The following FAM227A variants were observed in gnomAD, a reference collection of about 807,000 sequenced individuals.
The protein encoded by FAM227A is protein FAM227A.
FAM227A carries 80 observed loss-of-function variants against 74.7 expected under a neutral mutation model. The observed-to-expected ratio is 1.07, with a 90% confidence interval of 0.89 to 1.29. FAM227A has a LOEUF of 1.29. FAM227A is among the 50% of genes most tolerant of loss of function. The pLI, the probability that FAM227A is intolerant of heterozygous loss-of-function variation, is 0.00. For missense variants in FAM227A, 654 were observed against 683.4 expected (o/e 0.96, Z 0.48); for synonymous variants, 237 against 241.8 (o/e 0.98, Z 0.19).
In FAM227A at chr22:38,597,186, C is replaced by T. The variant is rs2091064263; in HGVS notation, c.1532+18G>A. On this transcript the variant is annotated intron_variant, in intron 15 of 16. Transcript: ENST00000535113. ...GATAAGTGCGGAACAACGGCATTCC[C>T]CAAAGCCCCTTCCATACCTGGAGAA... 6.4e-7 allele frequency: 1 copy of T among 1,551,480 alleles called. No individual in the cohort carries two copies. Among genetic ancestry groups the T allele is most frequent in the African/African-American group, 1.4e-5 (1 of 73,016 alleles).
intron 15 of FAM227A, among the ~76,000 whole-genome samples, chr22:38,595,809 T>A (rs1003965736): frequency 1.3e-5 from 2 of 152,204 alleles, no homozygotes; most frequent in Non-Finnish European, 2.9e-5. Context: ...ATGATTTAAC[T>A]TGAATCTAAT....
intron 11 of FAM227A, among the ~76,000 whole-genome samples, chr22:38,614,319 T>C (rs1389423935): frequency 6.6e-6 from 1 of 152,060 alleles, no homozygotes; most frequent in Non-Finnish European, 1.5e-5. Flanking sequence ...TAAAAATATT[T>C]ATTAAATGAA....
At chr22:38,604,594 G>A (rs2091244426) in intron 13 of FAM227A, among the ~76,000 whole-genome samples, 1 of 152,186 alleles carries the variant, frequency 6.6e-6, no homozygotes, top group Non-Finnish European at 1.5e-5. Context: ...GAGAGCTCAG[G>A]CTCAGAGCCA....
At chr22:38,590,821 T>G (rs1602843456) in intron 16 of FAM227A, among the ~76,000 whole-genome samples, 1 of 152,144 alleles carries the variant, frequency 6.6e-6, no homozygotes, top group South Asian at 2.1e-4. Flanking sequence ...AGTCTCATTC[T>G]GTCTCCAGGA....
At chr22:38,594,343 C>CT (rs1437065625) in intron 15 of FAM227A, among the ~76,000 whole-genome samples, 2 of 152,180 alleles carry the variant, frequency 1.3e-5, no homozygotes, top group Non-Finnish European at 2.9e-5. Context: ...TCCTCCCTGA[C>CT]TTATGTGGTT....
At chr22:38,632,973 A>G (rs1394423666) in intron 6 of FAM227A, among the ~76,000 whole-genome samples, 2 of 152,142 alleles carry the variant, frequency 1.3e-5, no homozygotes, top group African/African-American at 4.8e-5. Context: ...CTCCTCCAAG[A>G]AGTCCCAGGC....
chr22:38,617,590 C>T (rs1002405578), intron 11 of FAM227A, among the ~76,000 whole-genome samples: 3 of 152,298 alleles, frequency 2.0e-5, no homozygotes, highest in East Asian at 1.9e-4. Context: ...CCTCCACACC[C>T]GGCCGGAGGA....
Position 38,583,096 on chromosome 22 carries a change from G to A in FAM227A, c.*3029C>T. On this transcript the variant is annotated 3_prime_UTR_variant, in exon 17 of 17. Transcript: ENST00000535113. ...GGGGTAGTAAAGGGAAGGTGAGAGA[G>A]TGTTCTGCTTATCTGCCCCACATGG... 1 of 850,770 alleles carries A rather than the reference G, an allele frequency of 1.2e-6. No homozygotes were observed. The highest frequency in any genetic ancestry group is 1.7e-5 in the African/African-American group (1 of 59,046). 52.7% of individuals were successfully genotyped at this position (850,770 alleles called of 1,614,324 possible).
chr22:38,579,736 AT>A lies in FAM227A; in HGVS notation c.*6388del, dbSNP rs926282598. 3 of 152,154 alleles carry A rather than the reference AT, an allele frequency of 2.0e-5. No individual in the cohort carries two copies. Among genetic ancestry groups the A allele is most frequent in the Non-Finnish European group, 4.4e-5 (3 of 68,046 alleles). 9.4% of individuals were successfully genotyped at this position (152,154 alleles called of 1,614,324 possible). On this transcript the variant is annotated 3_prime_UTR_variant, in exon 17 of 17. Coordinates refer to ENST00000535113, the MANE Select transcript of FAM227A (RefSeq NM_001013647.2). ...AAATCTTGTAATTCCATCTGTGAAT[AT>A]TTCAGTATATATCTCTAAAATGTGA...
chr22:38,648,478 A>G (rs894611392), intron 2 of FAM227A, among the ~76,000 whole-genome samples: 9 of 150,640 alleles, frequency 6.0e-5, no homozygotes, highest in African/African-American at 1.5e-4. Context: ...GTGGTGGCAC[A>G]TGCCTGTAAT....
chr22:38,625,561 A>G (rs2091780006), intron 9 of FAM227A, among the ~76,000 whole-genome samples: 1 of 152,150 alleles, frequency 6.6e-6, no homozygotes, highest in Non-Finnish European at 1.5e-5. Flanking sequence ...AGCAGCCCAC[A>G]GCACATGGTT....
chr22:38,652,314 C>T (rs1022368321), intron 1 of FAM227A, among the ~76,000 whole-genome samples: 4 of 151,952 alleles, frequency 2.6e-5, no homozygotes, highest in African/African-American at 4.8e-5. Flanking sequence ...TTAGGCCAGG[C>T]GCAGTGGCTC....
chr22:38,620,875 A>G (rs2091675469), intron 10 of FAM227A, among the ~76,000 whole-genome samples: 1 of 152,192 alleles, frequency 6.6e-6, no homozygotes, highest in African/African-American at 2.4e-5. Context: ...CCCACAGGAA[A>G]AAAAGGACTG....
At chr22:38,611,551 T>G (rs551883364) in intron 11 of FAM227A, among the ~76,000 whole-genome samples, 1 of 152,166 alleles carries the variant, frequency 6.6e-6, no homozygotes, top group Non-Finnish European at 1.5e-5. Flanking sequence ...CTAGATTGAA[T>G]CTATAAGAAT....
At chr22:38,614,410 C>T (rs762468375) in intron 11 of FAM227A, among the ~76,000 whole-genome samples, 1 of 152,142 alleles carries the variant, frequency 6.6e-6, no homozygotes, top group Admixed American at 6.5e-5. Flanking sequence ...TGGTTAGATA[C>T]TTTTGCATTT....
intron 6 of FAM227A, among the ~76,000 whole-genome samples, chr22:38,635,289 TAGAG>T (rs1201285800): frequency 2.2e-5 from 3 of 138,288 alleles, no homozygotes; most frequent in Non-Finnish European, 4.7e-5. Flanking sequence ...GAGACAGAGA[TAGAG>T]AGATGGGGTG....
rs183107545 is a variant in FAM227A at position 38,638,068 on chromosome 22, G to C, written c.372+678C>G. On this transcript the variant is annotated intron_variant, in intron 5 of 16. Coordinates refer to ENST00000535113, the MANE Select transcript of FAM227A (RefSeq NM_001013647.2). The stretch of plus-strand genomic sequence containing the variant: ...TAATCCCAGCTACTTGGGAGGCTAA[G>C]ACAGGAGAATCACTTGAACCCTGGG... Among the ~76,000 whole-genome samples the C allele has an allele frequency of 4.0e-4, 61 of 152,332 alleles. 1 individual carries two copies. In the East Asian group the frequency reaches 7.5e-3, roughly 19 times the overall value.
rs1209514784 is a variant in FAM227A, at chr22:38,607,469, C to T, written c.1046G>A (p.Ser349Asn). Residue 349 changes from serine to asparagine, a missense_variant, in exon 12 of 17, where the codon AGT becomes AAT. Physicochemically the swap from Ser to Asn is conservative, Grantham distance 46 (BLOSUM62 1). Coordinates refer to ENST00000535113, the MANE Select transcript of FAM227A (RefSeq NM_001013647.2). The stretch of plus-strand genomic sequence containing the variant: ...GGTTTTTTCACTGGGTGAATTTGCA[C>T]TAGAAGACTTCAGGAGACAAGAGAG... ...SRKFYHPQSS[S>N]ANSPSEKTSS... 5.2e-6 allele frequency: 8 copies of T among 1,549,554 alleles called. No individual in the cohort carries two copies. In the Admixed American group the frequency reaches 5.9e-5, roughly 11 times the overall value.
At chr22:38,652,682 C>G (rs903920315) in intron 1 of FAM227A, among the ~76,000 whole-genome samples, 2 of 150,820 alleles carry the variant, frequency 1.3e-5, no homozygotes, top group East Asian at 2.0e-4. Flanking sequence ...GTCAGGAGAT[C>G]GAGACCATTC....
Sources: allele counts gnomAD v4.1 joint callset (sites outside exome capture counted in the v4.1 genomes callset), GRCh38; gene constraint gnomAD v4.1.1; transcripts MANE v1.5; gene names NCBI Gene and HGNC (gene_info 2026-07-23, HGNC 2026-07-21).